The following NLGN1 variants were observed in gnomAD, a reference collection of about 807,000 sequenced individuals.
NLGN1 encodes neuroligin-1.
A neutral mutation model predicts 65.5 loss-of-function variants in NLGN1; 12 were observed. The observed-to-expected ratio is 0.18, with a 90% CI of 0.12 to 0.30. NLGN1 has a LOEUF of 0.30. NLGN1 is among the 10% of genes least tolerant of loss of function. NLGN1 has a pLI of 1.00. For synonymous variants in NLGN1, 350 were observed against 359.5 expected, an observed-to-expected ratio of 0.97 and a Z score of 0.30; for missense variants, 750 against 1,007.1, an observed-to-expected ratio of 0.74 and a Z score of 3.46.
At chr3:173,796,254 A>T (rs1714041474) in intron 3 of NLGN1, among the ~76,000 whole-genome samples, 1 of 152,144 alleles carries the variant, frequency 6.6e-6, no homozygotes, top group Non-Finnish European at 1.5e-5. Flanking sequence ...ATATGGGTGG[A>T]TAGTAATTAT....
At chr3:174,268,875 T>A (rs1218512967) in intron 4 of NLGN1, among the ~76,000 whole-genome samples, 1 of 151,902 alleles carries the variant, frequency 6.6e-6, no homozygotes, top group Non-Finnish European at 1.5e-5. Flanking sequence ...TAGAACAAAT[T>A]GATAAATAGA....
intron 3 of NLGN1, among the ~76,000 whole-genome samples, chr3:173,797,451 C>T (rs1483081655): frequency 6.6e-6 from 1 of 152,012 alleles, no homozygotes; most frequent in Non-Finnish European, 1.5e-5. Context: ...TATTTAGTAT[C>T]AATAAATGAA....
rs945250414 is a variant in NLGN1, at chr3:174,131,338, C to T, written c.647-143977C>T. On this transcript the variant is annotated intron_variant, in intron 4 of 6. Coordinates refer to ENST00000457714, the Ensembl canonical transcript of NLGN1. ...CATTGTCCAAAATGATTTGTATAAA[C>T]GTTTTCACACATAGTCCTTAGTTCC... 7.9e-5 allele frequency among the ~76,000 whole-genome samples: 12 copies of T among 152,122 alleles called. No individual in the cohort carries two copies. In the South Asian group the frequency reaches 1.7e-3, roughly 21 times the overall value.
intron 2 of NLGN1, among the ~76,000 whole-genome samples, chr3:173,467,133 T>C (rs1295142815): frequency 6.6e-6 from 1 of 152,162 alleles, no homozygotes; most frequent in African/African-American, 2.4e-5. Flanking sequence ...TACATGTATA[T>C]TTTTAAGTAA....
At chr3:173,813,176 G>A (rs1175645250) in intron 4 of NLGN1, among the ~76,000 whole-genome samples, 2 of 152,040 alleles carry the variant, frequency 1.3e-5, no homozygotes, top group Non-Finnish European at 2.9e-5. Flanking sequence ...CATTGATCAT[G>A]ATTTAAAGAG....
intron 4 of NLGN1, among the ~76,000 whole-genome samples, chr3:173,810,051 A>G (rs889164508): frequency 7.9e-5 from 12 of 152,226 alleles, no homozygotes; most frequent in Admixed American, 7.9e-4. Context: ...GTGACAAAAC[A>G]TAAACTCTGT....
At chr3:174,016,280 T>G (rs1726536154) in intron 4 of NLGN1, among the ~76,000 whole-genome samples, 1 of 152,208 alleles carries the variant, frequency 6.6e-6, no homozygotes, top group African/African-American at 2.4e-5. Flanking sequence ...TTATGACTTT[T>G]TCTAAAGCAA....
chr3:174,286,118 A>G (rs1371806417), exon 7 of NLGN1: 1 of 151,410 alleles, frequency 6.6e-6, no homozygotes, highest in Admixed American at 6.6e-5. Flanking sequence ...AGATAGGTAT[A>G]TATTTTTTTC....
intron 4 of NLGN1, among the ~76,000 whole-genome samples, chr3:173,939,603 G>C (rs185469723): frequency 1.4e-3 from 213 of 152,084 alleles, no homozygotes; most frequent in Non-Finnish European, 2.4e-3. Flanking sequence ...CAGACATAAG[G>C]GTTTCCAGCT....
At chr3:173,601,197 G>A (rs1048675612) in intron 2 of NLGN1, among the ~76,000 whole-genome samples, 6 of 151,950 alleles carry the variant, frequency 3.9e-5, no homozygotes, top group African/African-American at 1.4e-4. Context: ...TACTGAGTAA[G>A]ATTTTCTGGC....
chr3:173,981,986 G>T (rs188624988), intron 4 of NLGN1, among the ~76,000 whole-genome samples: 3 of 152,000 alleles, frequency 2.0e-5, no homozygotes, highest in Non-Finnish European at 2.9e-5. Context: ...AAGTACACTA[G>T]CTGTCACATT....
At chr3:173,735,345 CTT>C (rs1036597594) in intron 3 of NLGN1, among the ~76,000 whole-genome samples, 10 of 152,032 alleles carry the variant, frequency 6.6e-5, no homozygotes, top group East Asian at 3.9e-4. Flanking sequence ...TACTGAAACA[CTT>C]TTATTTTTTC....
chr3:173,561,337 T>C (rs968424821), intron 2 of NLGN1, among the ~76,000 whole-genome samples: 6 of 152,188 alleles, frequency 3.9e-5, no homozygotes, highest in Non-Finnish European at 8.8e-5. Context: ...CCATATGTGG[T>C]TGTGATGTTG....
intron 3 of NLGN1, 39 bp from the exon 3 acceptor site, chr3:173,605,495 A>C: frequency 3.5e-5 from 38 of 1,092,512 alleles, no homozygotes; most frequent in African/African-American, 6.4e-5. Flanking sequence ...TCTATGATGG[A>C]GCGCCATGTT....
chr3:173,429,059 TC>T (rs1716693465), intron 1 of NLGN1, among the ~76,000 whole-genome samples: 1 of 152,276 alleles, frequency 6.6e-6, no homozygotes, highest in East Asian at 1.9e-4. Context: ...CAATATTTTC[TC>T]TTACTATTTT....
intron 4 of NLGN1, among the ~76,000 whole-genome samples, chr3:174,027,960 A>G (rs946469576): frequency 6.6e-6 from 1 of 152,132 alleles, no homozygotes; most frequent in Non-Finnish European, 1.5e-5. Context: ...TACTGTTCTC[A>G]TGTTAGTGAA....
intron 3 of NLGN1, among the ~76,000 whole-genome samples, chr3:173,765,116 A>T (rs1254567878): frequency 6.6e-6 from 1 of 150,556 alleles, no homozygotes; most frequent in Non-Finnish European, 1.5e-5. Context: ...GCACACATAC[A>T]TTTGTATGGA....
chr3:173,473,146 G>C (rs1725588737), intron 2 of NLGN1, among the ~76,000 whole-genome samples: 1 of 152,006 alleles, frequency 6.6e-6, no homozygotes, highest in South Asian at 2.1e-4. Context: ...TCCCACATAA[G>C]TCCATTATTG....
At chr3:173,845,223 G>A (rs1725496852) in intron 4 of NLGN1, among the ~76,000 whole-genome samples, 1 of 152,144 alleles carries the variant, frequency 6.6e-6, no homozygotes, top group Admixed American at 6.5e-5. Flanking sequence ...TGTTTTTGAG[G>A]TAGTTCCATA....
Sources: allele counts gnomAD v4.1 joint callset (sites outside exome capture counted in the v4.1 genomes callset), GRCh38; gene constraint gnomAD v4.1.1; transcripts MANE v1.5; gene names NCBI Gene and HGNC (gene_info 2026-07-23, HGNC 2026-07-21).